Variants in INTS4 observed in about 807,000 individuals in gnomAD.
The protein encoded by INTS4 is MSTP093.
A neutral mutation model predicts 119.5 loss-of-function variants in INTS4; 70 were observed. That is an observed-to-expected ratio of 0.59 (90% CI 0.48 to 0.71). The LOEUF is 0.71. Among genes scored for constraint, INTS4 ranks in the 30% least tolerant of loss-of-function variants. INTS4 has a pLI of 0.00. For synonymous variants in INTS4, 316 were observed against 419.6 expected (o/e 0.75, Z 3.02); for missense variants, 867 against 1,173.2 (o/e 0.74, Z 3.81).
At chr11:77,939,077 T>C (rs1953867824) in intron 9 of INTS4, among the ~76,000 whole-genome samples, 1 of 152,242 alleles carries the variant, frequency 6.6e-6, no homozygotes, top group Non-Finnish European at 1.5e-5. Context: ...AGAAAGTCGG[T>C]TATGTTTGCT....
Position 77,903,065 on chromosome 11 carries a change from C to T in INTS4, c.2097+475G>A, listed in dbSNP as rs181223060. Among the ~76,000 whole-genome samples, 351 of 152,252 alleles carry T rather than the reference C, an allele frequency of 2.3e-3. 6 individuals carry two copies. The highest frequency in any genetic ancestry group is 0.02 in the Admixed American group (309 of 15,302). On this transcript the variant is annotated intron_variant, in intron 17 of 22. Coordinates refer to ENST00000534064, the MANE Select transcript of INTS4 (RefSeq NM_033547.4). ...GATTACAGGTGTGAGCCACCGCGCC[C>T]GGCCCAACTGCCACATTTTATAGAA...
At chr11:77,887,512 A>G (rs1269840672) in intron 21 of INTS4, among the ~76,000 whole-genome samples, 1 of 152,156 alleles carries the variant, frequency 6.6e-6, no homozygotes, top group Non-Finnish European at 1.5e-5. Flanking sequence ...AAACTGGCAC[A>G]AGACAGGGAT....
intron 22 of INTS4, among the ~76,000 whole-genome samples, chr11:77,879,686 A>T (rs1017393905): frequency 6.6e-6 from 1 of 152,204 alleles, no homozygotes; most frequent in African/African-American, 2.4e-5. Context: ...CTTACGATAT[A>T]ATCATCTAGT....
intron 15 of INTS4, 60 bp from the exon 16 acceptor site, chr11:77,907,870 G>T: frequency 9.4e-7 from 1 of 1,066,300 alleles, no homozygotes. Flanking sequence ...CCAACATAAA[G>T]ATCATGTCAA....
intron 4 of INTS4, among the ~76,000 whole-genome samples, chr11:77,962,125 C>A (rs973990861): frequency 1.3e-5 from 2 of 152,136 alleles, no homozygotes; most frequent in African/African-American, 4.8e-5. Context: ...CTGTCCTGGG[C>A]AAATGGGACT....
chr11:77,991,051 G>T, intron 2 of INTS4, 57 bp downstream of exon 2: 1 of 1,441,460 alleles, frequency 6.9e-7, no homozygotes, highest in Non-Finnish European at 9.7e-7. Flanking sequence ...TAACCATTCT[G>T]CAGACATGAT....
chr11:77,936,903 G>A (rs189115919), intron 10 of INTS4, among the ~76,000 whole-genome samples: 177 of 152,230 alleles, frequency 1.2e-3, no homozygotes, highest in African/African-American at 4.1e-3. Flanking sequence ...GGCTGGGTAT[G>A]GTGGCTCACA....
At chr11:77,978,447 A>G (rs1298920471) in intron 4 of INTS4, 1 of 152,270 alleles carries the variant, frequency 6.6e-6, no homozygotes, top group Non-Finnish European at 1.5e-5. Flanking sequence ...TTAACCTCCA[A>G]ATTAAATCAA....
At chr11:77,947,329 C>T (rs1040978404) in intron 8 of INTS4, among the ~76,000 whole-genome samples, 2 of 152,122 alleles carry the variant, frequency 1.3e-5, no homozygotes, top group South Asian at 2.1e-4. Flanking sequence ...TTACATTCAA[C>T]CCAAAAAGAT....
chr11:77,898,780 G>A (rs1357420245), intron 18 of INTS4, among the ~76,000 whole-genome samples: 2 of 152,162 alleles, frequency 1.3e-5, no homozygotes, highest in Non-Finnish European at 2.9e-5. Flanking sequence ...AGCACTTTGG[G>A]AGGCCAAGGC....
intron 4 of INTS4, among the ~76,000 whole-genome samples, chr11:77,970,550 C>A (rs1192604671): frequency 6.6e-6 from 1 of 151,916 alleles, no homozygotes; most frequent in Admixed American, 6.6e-5. Flanking sequence ...GAGCGAACAC[C>A]AGGCACAGTG....
Position 77,924,871 on chromosome 11 carries a change from C to G in INTS4, c.1393G>C (p.Glu465Gln), listed in dbSNP as rs778648243. Reference protein sequence around the residue: ...VLEDSSRDIREALHELLCCTN... With the variant: ...VLEDSSRDIRQALHELLCCTN... ...CAGCATAAGAGTTCATGAAGAGCCT[C>G]TCGAATATCTCTGGATGAATCCTTT... Residue 465 changes from glutamate to glutamine, a missense_variant, in exon 12 of 23, where the codon GAG becomes CAG. Glu to Gln is a conservative substitution (Grantham distance 29). Transcript: ENST00000534064. 8.1e-6 allele frequency: 13 copies of G among 1,598,918 alleles called. No individual in the cohort carries two copies. Among genetic ancestry groups the G allele is most frequent in the Admixed American group, 1.7e-5 (1 of 59,126 alleles).
chr11:77,937,229 T>C (rs574449626), intron 10 of INTS4, among the ~76,000 whole-genome samples: 23 of 151,806 alleles, frequency 1.5e-4, no homozygotes, highest in African/African-American at 5.6e-4. Context: ...AATTTCCAAC[T>C]GTGATGAAAA....
At chr11:77,902,869 A>T (rs1952819337) in intron 17 of INTS4, among the ~76,000 whole-genome samples, 1 of 152,222 alleles carries the variant, frequency 6.6e-6, no homozygotes, top group Non-Finnish European at 1.5e-5. Flanking sequence ...GGACCTTTTA[A>T]CGTTGAAGAG....
chr11:77,920,055 C>T (rs908076992), intron 14 of INTS4, among the ~76,000 whole-genome samples: 3 of 151,950 alleles, frequency 2.0e-5, no homozygotes, highest in Admixed American at 1.3e-4. Flanking sequence ...ATGATCCACC[C>T]GCCTTGGCCT....
intron 2 of INTS4, among the ~76,000 whole-genome samples, chr11:77,986,287 G>C (rs565008106): frequency 6.6e-6 from 1 of 152,326 alleles, no homozygotes; most frequent in African/African-American, 2.4e-5. Context: ...AAACCACAAT[G>C]AGATACCATC....
chr11:77,975,404 T>C (rs910082752), intron 4 of INTS4, among the ~76,000 whole-genome samples: 1 of 152,178 alleles, frequency 6.6e-6, no homozygotes, highest in Non-Finnish European at 1.5e-5. Flanking sequence ...GTTAACTAAT[T>C]TATAATTTCA....
At chr11:77,929,075 C>T (rs1953582465) in intron 10 of INTS4, among the ~76,000 whole-genome samples, 2 of 151,736 alleles carry the variant, frequency 1.3e-5, no homozygotes, top group Admixed American at 1.3e-4. Context: ...CAGCCAGGTG[C>T]AGTGCCATAC....
At chr11:77,980,893 T>G (rs1182639034) in intron 3 of INTS4, among the ~76,000 whole-genome samples, 7 of 151,766 alleles carry the variant, frequency 4.6e-5, no homozygotes, top group African/African-American at 1.7e-4. Flanking sequence ...CTTGGGAGGC[T>G]GAGGCAGGAG....
Sources: allele counts gnomAD v4.1 joint callset (sites outside exome capture counted in the v4.1 genomes callset), GRCh38; gene constraint gnomAD v4.1.1; transcripts MANE v1.5; gene names NCBI Gene and HGNC (gene_info 2026-07-23, HGNC 2026-07-21).